ADGRG6: variants seen among roughly 807,000 people sequenced by gnomAD.
ADGRG6 encodes adhesion G protein-coupled receptor G6.
In ADGRG6, 84 loss-of-function variants were observed where a neutral mutation model predicts 142.4. The observed-to-expected ratio is 0.59, with a 90% CI of 0.49 to 0.71. The LOEUF (loss-of-function observed/expected upper bound fraction) is 0.71, where lower values mean the gene tolerates loss of function less well. Among genes scored for constraint, ADGRG6 ranks in the 30% least tolerant of loss-of-function variants. The pLI, the probability that ADGRG6 is intolerant of heterozygous loss-of-function variation, is 0.00. For synonymous variants in ADGRG6, 521 were observed against 520.5 expected (o/e 1.00, Z -0.01); for missense variants, 1,367 against 1,466.6 (o/e 0.93, Z 1.11).
chr6:142,341,567 A>G (rs1479348740), intron 2 of ADGRG6, among the ~76,000 whole-genome samples: 1 of 121,494 alleles, frequency 8.2e-6, no homozygotes, highest in Non-Finnish European at 1.6e-5. Flanking sequence ...TATACTATAT[A>G]ATATTATGTA....
chr6:142,332,761 A>G (rs9389985), intron 2 of ADGRG6, among the ~76,000 whole-genome samples: 60,400 of 151,992 alleles, frequency 0.4, 13,803 homozygotes, highest in African/African-American at 0.64. Context: ...AAGTTAGTGA[A>G]AATACCCTTC....
At chr6:142,359,201 T>G (rs1477443780) in intron 2 of ADGRG6, among the ~76,000 whole-genome samples, 3 of 94,564 alleles carry the variant, frequency 3.2e-5, no homozygotes, top group African/African-American at 1.5e-4. Context: ...AGCAAGACCC[T>G]ATAAAAAAAA....
chr6:142,425,222 C>G (rs930858270), intron 22 of ADGRG6, among the ~76,000 whole-genome samples: 1 of 152,020 alleles, frequency 6.6e-6, no homozygotes, highest in Non-Finnish European at 1.5e-5. Context: ...AAAGCTGTAC[C>G]TAATGTGGTG....
intron 2 of ADGRG6, among the ~76,000 whole-genome samples, chr6:142,349,273 C>T (rs1780048601): frequency 6.6e-6 from 1 of 152,206 alleles, no homozygotes; most frequent in South Asian, 2.1e-4. Context: ...GGGGGTTGGT[C>T]AGGGACTAAT....
Position 142,390,265 on chromosome 6 carries a change from T to A in ADGRG6, c.1230T>A (p.Ile410=). 1 of 1,556,366 alleles carries A rather than the reference T, an allele frequency of 6.4e-7. No individual in the cohort carries two copies. The highest frequency in any genetic ancestry group is 1.7e-5 in the Admixed American group (1 of 58,348). The change falls in exon 7 of 25, where the codon ATT becomes ATA. Residue 410 remains isoleucine, a synonymous_variant. Coordinates refer to ENST00000367609, the MANE Select transcript of ADGRG6 (RefSeq NM_198569.3). ...NRIDKQRNDG[I]IYRISVVIQN... The stretch of plus-strand genomic sequence containing the variant: ...CCTATTTCCAATGGGCAGATGGAAT[T>A]ATCTATAGAATATCCGTAGTGATTC...
chr6:142,313,556 A>G (rs144024947), intron 2 of ADGRG6, among the ~76,000 whole-genome samples: 4 of 152,282 alleles, frequency 2.6e-5, no homozygotes, highest in East Asian at 1.9e-4. Flanking sequence ...TCTGATATCT[A>G]TGAGACATCA....
intron 2 of ADGRG6, among the ~76,000 whole-genome samples, chr6:142,328,283 A>C (rs1298192802): frequency 2.6e-5 from 4 of 152,058 alleles, no homozygotes; most frequent in Non-Finnish European, 4.4e-5. Flanking sequence ...GCTCACTGCA[A>C]CCTCTGCCTC....
chr6:142,424,716 C>G (rs1776853151), intron 22 of ADGRG6, among the ~76,000 whole-genome samples: 2 of 151,888 alleles, frequency 1.3e-5, no homozygotes, highest in African/African-American at 4.8e-5. Flanking sequence ...CCCTCTTTTT[C>G]TATTGATTGG....
chr6:142,353,168 CAGAT>C (rs1472937612), intron 2 of ADGRG6, among the ~76,000 whole-genome samples: 1 of 152,126 alleles, frequency 6.6e-6, no homozygotes, highest in Non-Finnish European at 1.5e-5. Context: ...AAAGAGGAAA[CAGAT>C]AGCTAAAGGC....
chr6:142,342,025 T>C (rs1779682706), intron 2 of ADGRG6, among the ~76,000 whole-genome samples: 1 of 152,006 alleles, frequency 6.6e-6, no homozygotes, highest in African/African-American at 2.4e-5. Flanking sequence ...AAACAGTTTT[T>C]TGGTGAAGTT....
chr6:142,331,220 T>C (rs1779043296), intron 2 of ADGRG6, among the ~76,000 whole-genome samples: 1 of 152,146 alleles, frequency 6.6e-6, no homozygotes, highest in Admixed American at 6.5e-5. Context: ...ACCTTTGCCA[T>C]CTGTATGCTT....
chr6:142,370,873 T>C (rs1182796722), intron 4 of ADGRG6, 80 bp downstream of exon 4: 1 of 1,338,084 alleles, frequency 7.5e-7, no homozygotes, highest in African/African-American at 1.5e-5. Flanking sequence ...GAATTATACA[T>C]ACACACAAAT....
chr6:142,428,379 TTAAA>T (rs1462321282), intron 22 of ADGRG6, among the ~76,000 whole-genome samples: 1 of 152,160 alleles, frequency 6.6e-6, no homozygotes, highest in Non-Finnish European at 1.5e-5. Context: ...TTTTACCTAC[TTAAA>T]TAAGCAAATG....
At chr6:142,387,630 C>A (rs1462954567) in intron 6 of ADGRG6, among the ~76,000 whole-genome samples, 1 of 152,080 alleles carries the variant, frequency 6.6e-6, no homozygotes, top group Non-Finnish European at 1.5e-5. Context: ...TCAAATAGGC[C>A]TATCATTTCA....
chr6:142,322,666 C>T (rs1778574895), intron 2 of ADGRG6, among the ~76,000 whole-genome samples: 1 of 152,050 alleles, frequency 6.6e-6, no homozygotes, highest in Admixed American at 6.6e-5. Flanking sequence ...TTGTGCAAGA[C>T]TTACTGATAT....
At chr6:142,319,519 A>G (rs1778415554) in intron 2 of ADGRG6, among the ~76,000 whole-genome samples, 1 of 152,122 alleles carries the variant, frequency 6.6e-6, no homozygotes, top group Non-Finnish European at 1.5e-5. Context: ...CATATTCTTC[A>G]AATTGTTCCT....
intron 6 of ADGRG6, among the ~76,000 whole-genome samples, chr6:142,387,884 A>G (rs1288400182): frequency 2.0e-5 from 3 of 152,198 alleles, no homozygotes; most frequent in Non-Finnish European, 2.9e-5. Flanking sequence ...TTTTTCCCCA[A>G]TTAATGTCTA....
At chr6:142,421,278 A>G (rs758731437) in intron 22 of ADGRG6, among the ~76,000 whole-genome samples, 2 of 152,164 alleles carry the variant, frequency 1.3e-5, no homozygotes, top group African/African-American at 4.8e-5. Context: ...GCCTATTCCA[A>G]TCTGAGATGC....
chr6:142,317,847 AAT>A (rs1778192468), intron 2 of ADGRG6, among the ~76,000 whole-genome samples: 1 of 78,502 alleles, frequency 1.3e-5, no homozygotes, highest in Non-Finnish European at 2.2e-5. Context: ...ATTTATATAT[AAT>A]ATATATTTAT....
Sources: gnomAD v4.1 joint callset for allele counts (sites outside exome capture counted in the v4.1 genomes callset) on GRCh38, gnomAD v4.1.1 for gene constraint, MANE v1.5 for transcripts, NCBI Gene and HGNC (gene_info 2026-07-23, HGNC 2026-07-21) for gene names.